The following DAB1 variants were observed in gnomAD, a reference collection of about 807,000 sequenced individuals.
DAB1 encodes disabled homolog 1.
Under a neutral mutation model 64.6 loss-of-function variants are expected in DAB1, and 15 were observed. The observed-to-expected ratio is 0.23, with a 90% CI of 0.16 to 0.36. DAB1 has a LOEUF of 0.36. Among genes scored for constraint, DAB1 ranks in the 10% least tolerant of loss-of-function variants. The pLI is 1.00. For missense variants in DAB1, 596 were observed against 706.7 expected, an observed-to-expected ratio of 0.84 and a Z score of 1.78; for synonymous variants, 235 against 251.9, an observed-to-expected ratio of 0.93 and a Z score of 0.64.
intron 2 of DAB1, among the ~76,000 whole-genome samples, chr1:57,164,465 CA>C (rs1386934779): frequency 6.6e-6 from 1 of 152,130 alleles, no homozygotes; most frequent in Non-Finnish European, 1.5e-5. Context: ...AATAGAACCA[CA>C]GTGACCATGT....
At chr1:57,964,096 TG>T (rs935264409) in intron 5 of DAB1, among the ~76,000 whole-genome samples, 9 of 152,232 alleles carry the variant, frequency 5.9e-5, no homozygotes, top group African/African-American at 2.2e-4. Flanking sequence ...ACATGGCCTC[TG>T]GGGAGGGGCT....
intron 7 of DAB1, among the ~76,000 whole-genome samples, chr1:57,485,934 G>A (rs1453820771): frequency 6.6e-6 from 1 of 152,132 alleles, no homozygotes; most frequent in Non-Finnish European, 1.5e-5. Context: ...ACTGAAGCTT[G>A]CTGCATTTCT....
chr1:57,080,407 T>C (rs1261468428), intron 4 of DAB1, among the ~76,000 whole-genome samples: 2 of 152,142 alleles, frequency 1.3e-5, no homozygotes, highest in African/African-American at 4.8e-5. Flanking sequence ...AACGAGGAGG[T>C]GGAATTCAGT....
chr1:57,816,296 C>T (rs1261745222), intron 6 of DAB1, among the ~76,000 whole-genome samples: 13 of 152,182 alleles, frequency 8.5e-5, no homozygotes, highest in South Asian at 8.3e-4. Flanking sequence ...GCCATGCAGC[C>T]GTCATGACTC....
intron 7 of DAB1, among the ~76,000 whole-genome samples, chr1:57,609,870 C>A (rs10493231): frequency 0.94 from 142,673 of 152,258 alleles, 67,120 homozygotes; most frequent in East Asian, 1. Flanking sequence ...TTTATGATCA[C>A]TTTGTTTGAG....
At chr1:57,782,973 TCCTC>T (rs200786518) in intron 6 of DAB1, among the ~76,000 whole-genome samples, 3,498 of 115,728 alleles carry the variant, frequency 0.03, 76 homozygotes, top group Non-Finnish European at 0.044. Flanking sequence ...CCATTTTCTT[TCCTC>T]CCTCCCTCCC....
intron 1 of DAB1, among the ~76,000 whole-genome samples, chr1:57,306,354 G>T (rs994900521): frequency 3.9e-5 from 6 of 152,044 alleles, no homozygotes; most frequent in Non-Finnish European, 7.4e-5. Flanking sequence ...ATCTTCCTTT[G>T]CCTTTGTTCT....
At chr1:57,503,926 G>A (rs563930765) in intron 7 of DAB1, among the ~76,000 whole-genome samples, 1 of 152,306 alleles carries the variant, frequency 6.6e-6, no homozygotes, top group Admixed American at 6.5e-5. Context: ...TATCGTAGCT[G>A]TCCATAAATG....
At chr1:58,150,876 T>A (rs1654890753) in intron 4 of DAB1, among the ~76,000 whole-genome samples, 4 of 152,080 alleles carry the variant, frequency 2.6e-5, no homozygotes, top group Admixed American at 2.6e-4. Flanking sequence ...TGGTGTGTGA[T>A]GTTCCCCTTC....
chr1:57,298,722 A>G (rs916803249), intron 1 of DAB1, among the ~76,000 whole-genome samples: 1 of 152,348 alleles, frequency 6.6e-6, no homozygotes, highest in African/African-American at 2.4e-5. Context: ...AATAAACAAG[A>G]AAGTTGGAGC....
chr1:58,458,315 T>C (rs531382273), intron 3 of DAB1, among the ~76,000 whole-genome samples: 14 of 152,324 alleles, frequency 9.2e-5, no homozygotes, highest in African/African-American at 2.6e-4. Flanking sequence ...GCAGACACTT[T>C]CTATATATTC....
chr1:58,176,441 C>T (rs1305621257), intron 4 of DAB1, among the ~76,000 whole-genome samples: 1 of 152,068 alleles, frequency 6.6e-6, no homozygotes, highest in Non-Finnish European at 1.5e-5. Context: ...TCTCTTAGTC[C>T]ATTTTGTGTG....
chr1:57,407,739 T>C lies in DAB1; in HGVS notation c.-137+16191A>G, dbSNP rs139879778. On this transcript the variant is annotated intron_variant, in intron 1 of 14. Coordinates refer to ENST00000371236, the MANE Select transcript of DAB1 (RefSeq NM_001365792.1). ...CATCCTGTCTATCTGGTAGGACTGTTGTGAAGATGGAAGAGGAAGATATCT... is the reference window on the plus strand; with the variant it reads ...CATCCTGTCTATCTGGTAGGACTGTCGTGAAGATGGAAGAGGAAGATATCT... Among the ~76,000 whole-genome samples the C allele has an allele frequency of 3.0e-3, 450 of 151,838 alleles. 1 individual carries two copies. The highest frequency in any genetic ancestry group is 9.9e-3 in the African/African-American group (408 of 41,346).
rs932273030 is a variant in DAB1 at position 57,986,848 on chromosome 1, T to C, written n.388-102686A>G. 5.9e-5 allele frequency among the ~76,000 whole-genome samples: 9 copies of C among 152,218 alleles called. No individual in the cohort carries two copies. The South Asian group carries it at 1.4e-3, about 25-fold the overall frequency. On this transcript the variant is annotated intron_variant and non_coding_transcript_variant, in intron 5 of 20. Coordinates refer to the DAB1 transcript ENST00000485760. ...TTATAATTAGCTACCATTTATTAAC[T>C]GTTTATTACAGGCTGGACCCTGGGC...
chr1:57,289,848 AAAC>A (rs1672625052), intron 2 of DAB1, among the ~76,000 whole-genome samples: 1 of 152,192 alleles, frequency 6.6e-6, no homozygotes, highest in African/African-American at 2.4e-5. Context: ...TACAGGGAGA[AAAC>A]ACACACACAC....
At chr1:57,202,985 G>T (rs1665227544) in intron 2 of DAB1, among the ~76,000 whole-genome samples, 1 of 152,130 alleles carries the variant, frequency 6.6e-6, no homozygotes, top group Non-Finnish European at 1.5e-5. Flanking sequence ...TCAGATAAAT[G>T]CATGTTAGTA....
At chr1:57,036,382 C>A (rs116185306) in intron 9 of DAB1, among the ~76,000 whole-genome samples, 8 of 152,164 alleles carry the variant, frequency 5.3e-5, no homozygotes, top group African/African-American at 1.9e-4. Context: ...ACTGTTCTAA[C>A]TCTGGCTCAG....
Position 57,581,315 on chromosome 1 carries a change from C to T in DAB1, n.625+68277G>A, listed in dbSNP as rs75625390. ...CTAGGGGAACAAAAAATAAAATGAG[C>T]GACCTAAATATGGTTCTTTAAAATT... On this transcript the variant is annotated intron_variant and non_coding_transcript_variant, in intron 7 of 20. Coordinates refer to the DAB1 transcript ENST00000485760. 2.4e-3 allele frequency among the ~76,000 whole-genome samples: 371 copies of T among 152,216 alleles called. 1 individual carries two copies. The highest frequency in any genetic ancestry group is 3.9e-3 in the Non-Finnish European group (264 of 68,000).
chr1:57,074,431 A>G (rs918964947), intron 4 of DAB1, among the ~76,000 whole-genome samples: 9 of 152,156 alleles, frequency 5.9e-5, no homozygotes, highest in Admixed American at 3.3e-4. Context: ...TTAAGCCATT[A>G]GGACCACTCA....
Sources: gnomAD v4.1 joint callset for allele counts (sites outside exome capture counted in the v4.1 genomes callset) on GRCh38, gnomAD v4.1.1 for gene constraint, MANE v1.5 for transcripts, NCBI Gene and HGNC (gene_info 2026-07-23, HGNC 2026-07-21) for gene names.